Variants in GANC observed in about 807,000 individuals in gnomAD.
The protein encoded by GANC is glucosidase alpha, neutral C.
A neutral mutation model predicts 124.2 loss-of-function variants in GANC; 117 were observed. That is an observed-to-expected ratio of 0.94 (90% CI 0.81 to 1.10). The LOEUF (loss-of-function observed/expected upper bound fraction) is 1.10. Ranked by LOEUF, GANC falls within the 50% of genes least tolerant of loss-of-function variation. The pLI is 0.00. For synonymous variants in GANC, 377 were observed against 376.8 expected (o/e 1.00, Z -0.01); for missense variants, 1,140 against 1,095.0 (o/e 1.04, Z -0.58).
chr15:42,274,588 A>C, intron 1 of GANC, 78 bp downstream of exon 1: 1 of 1,354,436 alleles, frequency 7.4e-7, no homozygotes, highest in South Asian at 1.3e-5. Context: ...TGCATTTCTT[A>C]TTTGCGTATT....
chr15:42,294,568 C>CTA (rs1251743369), intron 5 of GANC, among the ~76,000 whole-genome samples: 1 of 77,714 alleles, frequency 1.3e-5, no homozygotes, highest in East Asian at 3.5e-4. Context: ...GAGCAAGACT[C>CTA]TGTCTCAAAA....
At position 42,330,595 on chromosome 15, in the gene GANC, G is replaced by A; in HGVS notation, c.1664G>A (p.Gly555Glu). 1 of 1,612,000 alleles carries A rather than the reference G, an allele frequency of 6.2e-7. No homozygotes were observed. The highest frequency in any genetic ancestry group is 1.1e-5 in the South Asian group (1 of 90,534). Residue 555 changes from glycine (G) to glutamate (E), a missense_variant, in exon 15 of 24, where the codon GGA (glycine) becomes GAA (glutamate). Gly to Glu is a moderately conservative substitution (Grantham distance 98). Coordinates refer to ENST00000318010, the MANE Select transcript of GANC (RefSeq NM_198141.3). ...ATATAGCAAATGGCTACTGCAGAAGGACTGATAAAACGATCTAAAGGGAAG... is the reference window on the plus strand; with the variant it reads ...ATATAGCAAATGGCTACTGCAGAAGAACTGATAAAACGATCTAAAGGGAAG... ...GFYHQMATAEGLIKRSKGKER... is the reference protein window; with the variant it reads ...GFYHQMATAEELIKRSKGKER...
Position 42,310,691 on chromosome 15 carries a change from A to G in GANC, c.904-2A>G, listed in dbSNP as rs2052042322. The G allele has an allele frequency of 6.2e-7, 1 of 1,606,528 alleles. No individual in the cohort carries two copies. Among genetic ancestry groups the G allele is most frequent in the African/African-American group, 1.3e-5 (1 of 74,950 alleles). On this transcript the variant is annotated splice_acceptor_variant, in intron 9 of 23. Transcript: ENST00000318010. LOFTEE classifies it high-confidence loss of function. ...CAAATTTTTATTCCATTCTTTTTCC[A>G]GTACACACTGACCCAGATGGGCCCA...
intron 7 of GANC, among the ~76,000 whole-genome samples, chr15:42,307,589 A>G (rs10851409): frequency 0.7 from 106,557 of 152,180 alleles, 41,067 homozygotes; most frequent in Non-Finnish European, 0.86. Context: ...CTTTAACCTA[A>G]GCATAAATTA....
At chr15:42,316,210 C>A (rs1354521985) in intron 10 of GANC, among the ~76,000 whole-genome samples, 1 of 152,056 alleles carries the variant, frequency 6.6e-6, no homozygotes, top group African/African-American at 2.4e-5. Context: ...CCCTATGGGG[C>A]TTAGTGGGTG....
intron 3 of GANC, among the ~76,000 whole-genome samples, chr15:42,282,610 C>T (rs1423485282): frequency 6.6e-6 from 1 of 152,134 alleles, no homozygotes; most frequent in Non-Finnish European, 1.5e-5. Flanking sequence ...TGCCCCTACA[C>T]CTTTAAAACC....
At chr15:42,311,843 C>T (rs1192423383) in intron 10 of GANC, among the ~76,000 whole-genome samples, 2 of 75,744 alleles carry the variant, frequency 2.6e-5, no homozygotes, top group Non-Finnish European at 8.2e-5. Context: ...CCATATCAAT[C>T]AATAACGAAA....
chr15:42,276,480 AT>A lies in GANC; in HGVS notation c.92+75del, dbSNP rs1595760119. The A allele has an allele frequency of 4.0e-6, 3 of 753,358 alleles. No homozygotes were observed. The African/African-American group carries it at 5.2e-5, about 13-fold the overall frequency. 46.7% of individuals were successfully genotyped at this position (753,358 alleles called of 1,614,324 possible). ...GTATTTCAAAATTGATGCTTATTAAATTTTTGGAACTGATAGACTTTCCAAG... is the reference window on the plus strand; with the variant it reads ...GTATTTCAAAATTGATGCTTATTAAATTTTGGAACTGATAGACTTTCCAAG... On this transcript the variant is annotated intron_variant, in intron 2 of 23. Coordinates refer to ENST00000318010, the MANE Select transcript of GANC (RefSeq NM_198141.3).
At chr15:42,342,148 C>T (rs905730373) in intron 18 of GANC, among the ~76,000 whole-genome samples, 6 of 152,082 alleles carry the variant, frequency 3.9e-5, no homozygotes, top group African/African-American at 1.4e-4. Flanking sequence ...CACTATATCC[C>T]CAGAGCCTAG....
intron 5 of GANC, among the ~76,000 whole-genome samples, chr15:42,295,221 G>A (rs560031390): frequency 5.3e-5 from 8 of 152,076 alleles, no homozygotes; most frequent in South Asian, 2.1e-4. Context: ...TGATCCGCCC[G>A]CCTCAGCCTC....
chr15:42,288,107 C>T (rs8037100), intron 4 of GANC, among the ~76,000 whole-genome samples: 129,421 of 152,106 alleles, frequency 0.85, 55,970 homozygotes, highest in East Asian at 0.94. Flanking sequence ...CCCTGCTCTC[C>T]TTCTCACAAA....
chr15:42,330,626 A>C lies in GANC; in HGVS notation c.1695A>C (p.Arg565Ser), dbSNP rs746423149. The C allele has an allele frequency of 8.7e-6, 14 of 1,611,640 alleles. No homozygotes were observed. Among genetic ancestry groups the C allele is most frequent in the Middle Eastern group, 1.6e-4 (1 of 6,078 alleles). ...GLIKRSKGKERPFVLTRSFFA... is the reference protein window; with the variant it reads ...GLIKRSKGKESPFVLTRSFFA... Reference sequence around the variant, plus strand: ...TAAAACGATCTAAAGGGAAGGAGAGACCCTTTGTTCTTACACGTTCTTTCT... The same window carrying C: ...TAAAACGATCTAAAGGGAAGGAGAGCCCCTTTGTTCTTACACGTTCTTTCT... Residue 565 changes from arginine (R) to serine (S), a missense_variant, in exon 15 of 24, where the codon AGA (arginine) becomes AGC (serine). Arg to Ser is a moderately radical substitution (Grantham distance 110, BLOSUM62 -1). Coordinates refer to ENST00000318010, the MANE Select transcript of GANC (RefSeq NM_198141.3).
chr15:42,313,525 C>A (rs2412696), intron 10 of GANC, among the ~76,000 whole-genome samples: 138,333 of 152,058 alleles, frequency 0.91, 64,278 homozygotes, highest in Non-Finnish European at 1. Context: ...AACTGTCTAC[C>A]ACTGAGCAAC....
chr15:42,343,459 A>C (rs2052342233), intron 19 of GANC: 2 of 339,904 alleles, frequency 5.9e-6, no homozygotes, highest in Admixed American at 4.2e-5. Flanking sequence ...AGAAATCTTC[A>C]GTCTGCTATG....
intron 3 of GANC, chr15:42,283,848 A>G (rs759443375): frequency 4.3e-6 from 3 of 702,640 alleles, no homozygotes; most frequent in South Asian, 3.0e-5. Context: ...CTGGCCAGAC[A>G]ATCAGAAGCA....
At chr15:42,281,171 GC>G (rs2051729897) in intron 3 of GANC, 4 of 691,322 alleles carry the variant, frequency 5.8e-6, no homozygotes, top group Non-Finnish European at 1.1e-5. Flanking sequence ...GAATCTGCAT[GC>G]CCTGATCTCA....
At chr15:42,283,644 C>G (rs904924633) in intron 3 of GANC, 2 of 702,542 alleles carry the variant, frequency 2.8e-6, no homozygotes, top group Non-Finnish European at 5.2e-6. Context: ...GACAACACTT[C>G]CAGCAGCTTC....
At chr15:42,338,629 A>C in intron 16 of GANC, 139 bp downstream of exon 16, 1 of 678,394 alleles carries the variant, frequency 1.5e-6, no homozygotes, top group Admixed American at 2.4e-5. Context: ...GAGAAAGTGA[A>C]GAGGAGCGGA....
At position 42,297,594 on chromosome 15, in the gene GANC, T is replaced by C. The variant is rs2051903415; in HGVS notation, c.513-17T>C. 6.2e-7 allele frequency: 1 copy of C among 1,607,658 alleles called. No individual in the cohort carries two copies. Among genetic ancestry groups the C allele is most frequent in the South Asian group, 1.1e-5 (1 of 90,112 alleles). On this transcript the variant is annotated splice_polypyrimidine_tract_variant and intron_variant, in intron 5 of 23. Coordinates refer to ENST00000318010, the MANE Select transcript of GANC (RefSeq NM_198141.3). ...GTCTTGCCATTGAGTGAAACAACTTTATTTACGTTAAAACAGAGCTGCTAA... is the reference window on the plus strand; with the variant it reads ...GTCTTGCCATTGAGTGAAACAACTTCATTTACGTTAAAACAGAGCTGCTAA...
Sources: gnomAD v4.1 joint callset for allele counts (sites outside exome capture counted in the v4.1 genomes callset) on GRCh38, gnomAD v4.1.1 for gene constraint, MANE v1.5 for transcripts, NCBI Gene and HGNC (gene_info 2026-07-23, HGNC 2026-07-21) for gene names.